The following ACAT2 variants were observed in gnomAD, a reference collection of about 807,000 sequenced individuals.
ACAT2 encodes acetyl-CoA acetyltransferase 2.
In ACAT2, 26 loss-of-function variants were observed where a neutral mutation model predicts 37.1. That is an observed-to-expected ratio of 0.70 (90% CI 0.51 to 0.97). The LOEUF is 0.97. ACAT2 is among the 50% of genes least tolerant of loss of function. The pLI, the probability that ACAT2 is intolerant of heterozygous loss-of-function variation, is 0.00. For missense variants in ACAT2, 468 were observed against 489.0 expected, an observed-to-expected ratio of 0.96 and a Z score of 0.40; for synonymous variants, 156 against 163.6, an observed-to-expected ratio of 0.95 and a Z score of 0.35.
In ACAT2 at chr6:159,768,628, G is replaced by C. The variant is rs1217754883; in HGVS notation, c.490G>C (p.Ala164Pro). 1.3e-6 allele frequency: 2 copies of C among 1,594,214 alleles called. No homozygotes were observed. The highest frequency in any genetic ancestry group is 8.6e-7 in the Non-Finnish European group (1 of 1,162,088). ...AFHNCHMGIT[A>P]ENVAKKWQVS... ...TCACAACTGTCATATGGGTATTACA[G>C]GTAAGGCAGACATGGCTGAAACTGT... Residue 164 changes from alanine (A) to proline (P), a missense_variant and splice_region_variant, in exon 4 of 9, where the codon GCT becomes CCT. Transcript: ENST00000367048.
chr6:159,765,554 T>A (rs1376902351), intron 2 of ACAT2, among the ~76,000 whole-genome samples: 3 of 151,892 alleles, frequency 2.0e-5, no homozygotes, highest in African/African-American at 7.3e-5. Flanking sequence ...CTCAACCTCC[T>A]GAGTAGCTGG....
rs1286662274 is a variant in ACAT2 at position 159,778,872 on chromosome 6, T to A, written c.*43T>A. On this transcript the variant is annotated 3_prime_UTR_variant, in exon 9 of 9. Transcript: ENST00000367048. Reference sequence around the variant, plus strand: ...CAACCTCAATTTCTTTTTAAACTAATAAAGTACTAGGTTGCAATATGTGAA... The same window carrying A: ...CAACCTCAATTTCTTTTTAAACTAAAAAAGTACTAGGTTGCAATATGTGAA... 3.7e-6 allele frequency: 6 copies of A among 1,612,486 alleles called. No individual in the cohort carries two copies. In the African/African-American group the frequency reaches 5.3e-5, roughly 14 times the overall value.
At chr6:159,766,483 C>G (rs1780258114) in intron 2 of ACAT2, among the ~76,000 whole-genome samples, 1 of 151,984 alleles carries the variant, frequency 6.6e-6, no homozygotes, top group Non-Finnish European at 1.5e-5. Context: ...CTCACCGCAA[C>G]CTCCGCTTCC....
Position 159,778,236 on chromosome 6 carries a change from G to A in ACAT2, c.979G>A (p.Val327Ile), listed in dbSNP as rs1242425619. 6.2e-7 allele frequency: 1 copy of A among 1,612,240 alleles called. No individual in the cohort carries two copies. The highest frequency in any genetic ancestry group is 2.2e-5 in the East Asian group (1 of 44,836). The change falls in exon 8 of 9, where the codon GTC becomes ATC. Residue 327 changes from valine to isoleucine, a missense_variant. Coordinates refer to ENST00000367048, the MANE Select transcript of ACAT2 (RefSeq NM_005891.3). ...IFEINEAFAA[V>I]SAAIVKELGL... ...TGAAATCAATGAAGCCTTTGCAGCT[G>A]TCTCTGCTGCAATAGTTAAAGAACT... is the stretch of plus-strand genomic sequence containing the variant.
At position 159,779,108 on chromosome 6, in the gene ACAT2, T is replaced by G; in HGVS notation, c.*279T>G. The G allele has an allele frequency of 2.5e-6, 4 of 1,614,098 alleles. No individual in the cohort carries two copies. Among genetic ancestry groups the G allele is most frequent in the Non-Finnish European group, 3.4e-6 (4 of 1,179,978 alleles). On this transcript the variant is annotated 3_prime_UTR_variant, in exon 9 of 9. Transcript: ENST00000367048. ...AACTTCCATGTTTATCATCTTTACT[T>G]TCTGGATGTAATTTAATAAGATCAT... is the stretch of plus-strand genomic sequence containing the variant.
At chr6:159,771,494 A>G (rs183110539) in intron 4 of ACAT2, among the ~76,000 whole-genome samples, 2 of 152,298 alleles carry the variant, frequency 1.3e-5, no homozygotes, top group Non-Finnish European at 2.9e-5. Flanking sequence ...AATGGGGCAG[A>G]AAAAAACTGA....
intron 4 of ACAT2, among the ~76,000 whole-genome samples, chr6:159,774,761 CTG>C (rs1780387964): frequency 6.6e-6 from 1 of 152,188 alleles, no homozygotes; most frequent in African/African-American, 2.4e-5. Context: ...AGTTTTATAA[CTG>C]TGCTTATGTA....
intron 4 of ACAT2, among the ~76,000 whole-genome samples, chr6:159,772,788 A>T (rs1000053818): frequency 6.6e-6 from 1 of 152,050 alleles, no homozygotes; most frequent in Middle Eastern, 3.4e-3. Flanking sequence ...AGCCTGGTCA[A>T]CATAGTGAGA....
chr6:159,772,103 T>C (rs1780347158), intron 4 of ACAT2, among the ~76,000 whole-genome samples: 1 of 152,130 alleles, frequency 6.6e-6, no homozygotes. Flanking sequence ...CAGGTGCCTG[T>C]AGTCCCAGCT....
At chr6:159,776,357 A>G (rs915432287) in intron 6 of ACAT2, 85 bp downstream of exon 6, 9 of 1,474,690 alleles carry the variant, frequency 6.1e-6, no homozygotes, top group Non-Finnish European at 8.1e-6. Flanking sequence ...TTTATATACA[A>G]AAGTACTATT....
chr6:159,772,608 TA>T (rs1780354707), intron 4 of ACAT2, among the ~76,000 whole-genome samples: 2 of 152,150 alleles, frequency 1.3e-5, no homozygotes, highest in South Asian at 4.1e-4. Context: ...GCAAAAAATG[TA>T]AAGCTTCTAG....
At chr6:159,762,646 G>C (rs1170418486) in intron 1 of ACAT2, 1 of 1,441,802 alleles carries the variant, frequency 6.9e-7, no homozygotes, top group Admixed American at 2.1e-5. Context: ...GCATGGGGTC[G>C]CATCCAGTCC....
intron 8 of ACAT2, 142 bp downstream of exon 8, chr6:159,778,422 TTTAAA>T (rs372740026): frequency 0.013 from 5,790 of 433,876 alleles, 19 homozygotes; most frequent in East Asian, 0.038. Context: ...CTTCCCAAGG[TTTAAA>T]AAAAAAAAAA....
At chr6:159,763,489 A>ATTGTGTCAC (rs1231585122) in intron 2 of ACAT2, among the ~76,000 whole-genome samples, 1 of 151,996 alleles carries the variant, frequency 6.6e-6, no homozygotes, top group African/African-American at 2.4e-5. Context: ...GACTGCAGTG[A>ATTGTGTCAC]TTGTGTCACT....
chr6:159,762,575 G>A, intron 1 of ACAT2: 2 of 1,347,854 alleles, frequency 1.5e-6, no homozygotes, highest in Non-Finnish European at 9.7e-7. Context: ...TCGTGACTTC[G>A]TCTCCTTCGT....
rs1271654411 is a variant in ACAT2 at position 159,779,011 on chromosome 6, A to AAT, written c.*182_*183insAT. On this transcript the variant is annotated 3_prime_UTR_variant, in exon 9 of 9. Coordinates refer to ENST00000367048, the MANE Select transcript of ACAT2 (RefSeq NM_005891.3). ...TCAACTCAAGGTACAAGACAATTGC[A>AAT]TTTAACATTGTTATAAATAAAAGGA... 2.0e-5 allele frequency: 32 copies of AAT among 1,599,638 alleles called. 1 individual carries two copies. The Admixed American group carries it at 5.4e-4, about 27-fold the overall frequency.
chr6:159,763,198 T>A, intron 2 of ACAT2, 145 bp downstream of exon 2: 3 of 1,144,840 alleles, frequency 2.6e-6, no homozygotes, highest in Non-Finnish European at 3.6e-6. Context: ...TTCCCTCTGT[T>A]ATGATTCCTC....
In ACAT2 at chr6:159,768,609, C is replaced by T. The variant is rs749539993; in HGVS notation, c.471C>T (p.Asn157=). 6.8e-6 allele frequency: 11 copies of T among 1,610,686 alleles called. No individual in the cohort carries two copies. In the Admixed American group the frequency reaches 1.3e-4, roughly 20 times the overall value. Residue 157 remains asparagine, a synonymous_variant, in exon 4 of 9, where the codon AAC becomes AAT. Transcript: ENST00000367048. ...LCDGLTDAFH[N]CHMGITAENV... is the part of the protein sequence containing the mutation. ...ATGGTCTTACAGATGCATTTCACAA[C>T]TGTCATATGGGTATTACAGGTAAGG...
chr6:159,763,628 C>A (rs1780197621), intron 2 of ACAT2, among the ~76,000 whole-genome samples: 1 of 104,056 alleles, frequency 9.6e-6, no homozygotes, highest in Non-Finnish European at 2.0e-5. Context: ...CTTTTCTTTT[C>A]CTTTTTTTTT....
Sources: gnomAD v4.1 joint callset for allele counts (sites outside exome capture counted in the v4.1 genomes callset) on GRCh38, gnomAD v4.1.1 for gene constraint, MANE v1.5 for transcripts, NCBI Gene and HGNC (gene_info 2026-07-23, HGNC 2026-07-21) for gene names.